The following ADIRF variants were observed in gnomAD, a reference collection of about 807,000 sequenced individuals.
The protein encoded by ADIRF is adipogenesis factor rich in obesity.
Under a neutral mutation model 7.8 loss-of-function variants are expected in ADIRF, and 9 were observed. The ratio of observed to expected loss-of-function variants is 1.15; its 90% CI spans 0.70 to 2.01. ADIRF has a LOEUF of 2.01. ADIRF is among the 30% of genes most tolerant of loss of function. The probability of loss-of-function intolerance (pLI) is 0.00; values close to 1 mark genes in which losing one functional copy is unlikely to be tolerated. For missense variants in ADIRF, 106 were observed against 98.1 expected (o/e 1.08, Z -0.34); for synonymous variants, 48 against 39.9 (o/e 1.20, Z -0.77).
At chr10:86,968,670 G>A in intron 1 of ADIRF, 65 bp downstream of exon 1, 4 of 1,549,594 alleles carry the variant, frequency 2.6e-6, no homozygotes, top group Non-Finnish European at 3.5e-6. Context: ...GGCAGAAGCA[G>A]CGGGTCGGCG....
chr10:86,970,387 T>C, intron 2 of ADIRF, 89 bp from the exon 3 acceptor site: 1 of 1,509,278 alleles, frequency 6.6e-7, no homozygotes, highest in South Asian at 1.2e-5. Context: ...CCCAAGCAGG[T>C]CCCCCGGGAG....
At chr10:86,970,325 G>T in intron 2 of ADIRF, 63 bp downstream of exon 2, 2 of 1,511,884 alleles carry the variant, frequency 1.3e-6, no homozygotes, top group African/African-American at 1.4e-5. Flanking sequence ...GCCCCATCCC[G>T]GCTGGGGCCC....
At chr10:86,968,715 G>C (rs1313354150) in intron 1 of ADIRF, 110 bp downstream of exon 1, 2 of 1,297,512 alleles carry the variant, frequency 1.5e-6, no homozygotes, top group Non-Finnish European at 2.1e-6. Context: ...AGCTTGGCTC[G>C]GAAGGCTCGG....
At position 86,970,814 on chromosome 10, in the gene ADIRF, G is replaced by C. The variant is rs972155385; in HGVS notation, c.*232G>C. The C allele has an allele frequency of 8.2e-6, 5 of 610,982 alleles. No individual in the cohort carries two copies. The highest frequency in any genetic ancestry group is 3.0e-5 in the South Asian group (2 of 65,954). The allele number at this position is 610,982 out of a possible 1,614,324, so 37.8% of individuals were successfully genotyped here. On this transcript the variant is annotated 3_prime_UTR_variant, in exon 3 of 3. Coordinates refer to ENST00000372013, the MANE Select transcript of ADIRF (RefSeq NM_006829.3). ...CAGAGCCACCGTAGCCGGAGTCCTA[G>C]CCTCCCAAATTCGGAAATCCAATCC... is the stretch of plus-strand genomic sequence containing the variant.
At chr10:86,970,416 C>G (rs1317384988) in intron 2 of ADIRF, 60 bp from the exon 3 acceptor site, 3 of 1,541,516 alleles carry the variant, frequency 1.9e-6, no homozygotes, top group Non-Finnish European at 2.7e-6. Flanking sequence ...CAGGCTAAGC[C>G]TACAGGCACT....
At position 86,970,858 on chromosome 10, in the gene ADIRF, T is replaced by C. The variant is rs1844590207; in HGVS notation, c.*276T>C. 1.9e-6 allele frequency: 1 copy of C among 513,742 alleles called. No homozygotes were observed. Among genetic ancestry groups the C allele is most frequent in the Non-Finnish European group, 3.8e-6 (1 of 265,108 alleles). 31.8% of individuals were successfully genotyped at this position (513,742 alleles called of 1,614,324 possible). A position where few individuals can be genotyped will look rare whatever the true frequency, so the allele number is the denominator to read the frequency against. ...CCAATCCAACGGTCTCAGGAATGTT[T>C]TCCATCCCGCCACGCGCCTCCCGAA... On this transcript the variant is annotated 3_prime_UTR_variant, in exon 3 of 3. Coordinates refer to ENST00000372013, the MANE Select transcript of ADIRF (RefSeq NM_006829.3).
In ADIRF at chr10:86,970,238, C is replaced by A; in HGVS notation, c.100C>A (p.Gln34Lys). The change falls in exon 2 of 3, where the codon CAG becomes AAG. Residue 34 changes from glutamine (Q) to lysine (K), a missense_variant. By Grantham distance (53) the Gln-to-Lys change is moderately conservative. Transcript: ENST00000372013. The part of the protein sequence containing the change: ...AGAAAQQVVD[Q>K]ATEAGQKAMD... ...AGCGGCAGCTCAGCAAGTGGTGGAC[C>A]AGGCCACAGAGGCGGGGCAGAAAGG... The A allele has an allele frequency of 6.8e-7, 1 of 1,461,362 alleles. No individual in the cohort carries two copies. Among genetic ancestry groups the A allele is most frequent in the South Asian group, 1.5e-5 (1 of 67,960 alleles). 90.5% of individuals were successfully genotyped at this position (1,461,362 alleles called of 1,614,324 possible).
At chr10:86,968,714 C>A in intron 1 of ADIRF, 109 bp downstream of exon 1, 4 of 1,296,094 alleles carry the variant, frequency 3.1e-6, no homozygotes, top group Non-Finnish European at 2.1e-6. Context: ...CAGCTTGGCT[C>A]GGAAGGCTCG....
intron 2 of ADIRF, 61 bp downstream of exon 2, chr10:86,970,323 C>A: frequency 6.6e-7 from 1 of 1,509,032 alleles, no homozygotes; most frequent in Non-Finnish European, 8.9e-7. Context: ...CCGCCCCATC[C>A]CGGCTGGGGC....
chr10:86,970,583 C>T lies in ADIRF; in HGVS notation c.*1C>T. On this transcript the variant is annotated 3_prime_UTR_variant, in exon 3 of 3. Transcript: ENST00000372013. ...GAAAAAATTCGGCCTCCTGAAATGA[C>T]AGCAGGGAGACTTGGGTCGGCCTCC... 6.2e-7 allele frequency: 1 copy of T among 1,605,552 alleles called. No individual in the cohort carries two copies. Among genetic ancestry groups the T allele is most frequent in the Non-Finnish European group, 8.5e-7 (1 of 1,174,252 alleles).
chr10:86,970,099 A>T (rs756068185), intron 1 of ADIRF, 101 bp from the exon 2 acceptor site: 2 of 1,169,198 alleles, frequency 1.7e-6, no homozygotes, highest in Non-Finnish European at 2.3e-6. Flanking sequence ...TTGGACCTGT[A>T]CCACCGAATA....
Position 86,970,251 on chromosome 10 carries a change from CG to C in ADIRF, c.117del (p.Gln40ArgfsTer36). ...CAAGTGGTGGACCAGGCCACAGAGG[CG>C]GGGCAGAAAGGTCTGGTGGGGCTGG... ...AQQVVDQATE[A>X]GQKAMDQLAK... is the part of the protein sequence containing the mutation. On this transcript the variant is annotated frameshift_variant, in exon 2 of 3. Transcript: ENST00000372013. LOFTEE classifies it high-confidence loss of function. 1 of 1,460,854 alleles carries C rather than the reference CG, an allele frequency of 6.8e-7. No homozygotes were observed. The highest frequency in any genetic ancestry group is 9.1e-7 in the Non-Finnish European group (1 of 1,103,656). 90.5% of individuals were successfully genotyped at this position (1,460,854 alleles called of 1,614,324 possible).
intron 2 of ADIRF, 33 bp downstream of exon 2, chr10:86,970,295 C>CAG (rs1425114103): frequency 6.7e-7 from 1 of 1,491,150 alleles, no homozygotes; most frequent in Admixed American, 2.3e-5. Context: ...CGGGCAACCC[C>CAG]AGCACACCTC....
In ADIRF at chr10:86,970,863, TC is replaced by T. The variant is rs1831780609; in HGVS notation, c.*284del. 2.0e-6 allele frequency: 1 copy of T among 503,070 alleles called. No individual in the cohort carries two copies. Among genetic ancestry groups the T allele is most frequent in the African/African-American group, 1.9e-5 (1 of 52,008 alleles). The allele number at this position is 503,070 out of a possible 1,614,324, so 31.2% of individuals were successfully genotyped here. On this transcript the variant is annotated 3_prime_UTR_variant, in exon 3 of 3. Coordinates refer to ENST00000372013, the MANE Select transcript of ADIRF (RefSeq NM_006829.3). Reference sequence around the variant, plus strand: ...CCAACGGTCTCAGGAATGTTTTCCATCCCGCCACGCGCCTCCCGAAGCTCCC... The same window carrying T: ...CCAACGGTCTCAGGAATGTTTTCCATCCGCCACGCGCCTCCCGAAGCTCCC...
At chr10:86,970,324 C>A in intron 2 of ADIRF, 62 bp downstream of exon 2, 1 of 1,502,194 alleles carries the variant, frequency 6.7e-7, no homozygotes, top group Non-Finnish European at 9.0e-7. Flanking sequence ...CGCCCCATCC[C>A]GGCTGGGGCC....
Position 86,970,205 on chromosome 10 carries a change from GCGGC to G in ADIRF, c.71_74del (p.Ala24GlufsTer51), listed in dbSNP as rs1451961562. On this transcript the variant is annotated frameshift_variant, in exon 2 of 3. Coordinates refer to ENST00000372013, the MANE Select transcript of ADIRF (RefSeq NM_006829.3). LOFTEE classifies it high-confidence loss of function. The stretch of plus-strand genomic sequence containing the variant: ...GCCACATCTCTCTGTTCCAGTGTCA[GCGGC>G]CGGAGCGGCAGCTCAGCAAGTGGTG... The G allele has an allele frequency of 6.9e-7, 1 of 1,453,148 alleles. No homozygotes were observed. The highest frequency in any genetic ancestry group is 9.1e-7 in the Non-Finnish European group (1 of 1,099,856). 90.0% of individuals were successfully genotyped at this position (1,453,148 alleles called of 1,614,324 possible).
chr10:86,968,672 G>C, intron 1 of ADIRF, 67 bp downstream of exon 1: 3 of 1,549,142 alleles, frequency 1.9e-6, no homozygotes, highest in Non-Finnish European at 2.6e-6. Context: ...CAGAAGCAGC[G>C]GGTCGGCGCG....
intron 1 of ADIRF, 88 bp from the exon 2 acceptor site, chr10:86,970,112 C>T (rs1004693460): frequency 1.6e-6 from 2 of 1,285,158 alleles, no homozygotes; most frequent in Non-Finnish European, 1.0e-6. Flanking sequence ...ACCGAATACT[C>T]TGGAGGACAC....
intron 1 of ADIRF, chr10:86,968,952 A>G (rs924343700): frequency 3.7e-6 from 1 of 268,630 alleles, no homozygotes; most frequent in African/African-American, 2.3e-5. Context: ...CCACCACTTA[A>G]ACCCGCGCGC....
Sources: gnomAD v4.1 joint callset for allele counts on GRCh38, gnomAD v4.1.1 for gene constraint, MANE v1.5 for transcripts, NCBI Gene and HGNC (gene_info 2026-07-23, HGNC 2026-07-21) for gene names.